Variants in PGAP4 observed in about 807,000 individuals in gnomAD.
PGAP4 encodes the protein GPI-N-acetylgalactosamine transferase PGAP4.
In PGAP4, 12 loss-of-function variants were observed where a neutral mutation model predicts 28.2. The ratio of observed to expected loss-of-function variants is 0.42; its 90% CI spans 0.27 to 0.69. The LOEUF is 0.69. Among genes scored for constraint, PGAP4 ranks in the 30% least tolerant of loss-of-function variants. The pLI is 0.22. For synonymous variants in PGAP4, 205 were observed against 211.8 expected (o/e 0.97, Z 0.28); for missense variants, 425 against 513.5 (o/e 0.83, Z 1.67).
intron 2 of PGAP4, chr9:101,501,766 ATCTG>A (rs1826803181): frequency 1.9e-6 from 1 of 518,602 alleles, no homozygotes; most frequent in African/African-American, 1.9e-5. Context: ...CCCAACTAAC[ATCTG>A]GATTGAACAA....
intron 2 of PGAP4, among the ~76,000 whole-genome samples, chr9:101,530,406 A>G (rs1827078564): frequency 6.6e-6 from 1 of 152,236 alleles, no homozygotes; most frequent in South Asian, 2.1e-4. Flanking sequence ...ATCACTTAAA[A>G]TCTGAGTCTG....
Position 101,486,466 on chromosome 9 carries a change from C to G in PGAP4, c.-78+483G>C, listed in dbSNP as rs915661403. ...CCGCGCTCTCGGCGCGCCCGGCGAA[C>G]CTAAGGTGTGGACGCGCCGCGAGGG... On this transcript the variant is annotated intron_variant, in intron 1 of 1. Transcript: ENST00000374848. The surrounding 1 kb of genome is among the most constrained non-coding windows in gnomAD (Gnocchi z 4.7). 6.6e-6 allele frequency among the ~76,000 whole-genome samples: 1 copy of G among 152,206 alleles called. No homozygotes were observed. The highest frequency in any genetic ancestry group is 2.4e-5 in the African/African-American group (1 of 41,466).
intron 2 of PGAP4, among the ~76,000 whole-genome samples, chr9:101,514,109 G>T (rs186294198): frequency 9.2e-5 from 14 of 152,004 alleles, no homozygotes; most frequent in Admixed American, 6.5e-4. Flanking sequence ...TCTTATGCCA[G>T]TCACCACTGG....
chr9:101,495,580 A>T (rs1194179195), intron 2 of PGAP4, among the ~76,000 whole-genome samples: 1 of 147,880 alleles, frequency 6.8e-6, no homozygotes, highest in Admixed American at 7.0e-5. Context: ...CAAAGATGTC[A>T]AAGGTTTAAA....
chr9:101,485,373 C>T (rs1193878062), intron 1 of PGAP4, among the ~76,000 whole-genome samples: 5 of 151,922 alleles, frequency 3.3e-5, no homozygotes, highest in Non-Finnish European at 5.9e-5. Context: ...CCCATATAAC[C>T]ATCAAAATAA....
upstream of PGAP4, chr9:101,533,668 G>A (rs940118201): frequency 7.2e-5 from 11 of 152,258 alleles, no homozygotes; most frequent in African/African-American, 2.2e-4. Flanking sequence ...AGTACTCTTA[G>A]AGGTCGTAGC....
At chr9:101,517,004 G>A (rs979349614) in intron 2 of PGAP4, among the ~76,000 whole-genome samples, 4 of 151,994 alleles carry the variant, frequency 2.6e-5, no homozygotes, top group African/African-American at 9.7e-5. Context: ...AAGACTGAAG[G>A]GCAAAATTTT....
chr9:101,497,842 A>G (rs1170609544), intron 2 of PGAP4, among the ~76,000 whole-genome samples: 1 of 151,786 alleles, frequency 6.6e-6, no homozygotes, highest in Non-Finnish European at 1.5e-5. Flanking sequence ...TGCCATGTAG[A>G]CACAACATAC....
chr9:101,516,827 CAT>C (rs1826947975), intron 2 of PGAP4, among the ~76,000 whole-genome samples: 1 of 152,136 alleles, frequency 6.6e-6, no homozygotes. Flanking sequence ...AAAAACATCA[CAT>C]GAGGTTGGTT....
intron 2 of PGAP4, among the ~76,000 whole-genome samples, chr9:101,513,169 G>A (rs1025725249): frequency 1.3e-5 from 2 of 150,342 alleles, no homozygotes; most frequent in Non-Finnish European, 1.5e-5. Flanking sequence ...TGTGTGCTGA[G>A]CAGTGGCTAA....
In PGAP4 at chr9:101,475,579, G is replaced by A. The variant is rs1826274407; in HGVS notation, c.*302C>T. 2 of 354,942 alleles carry A rather than the reference G, an allele frequency of 5.6e-6. No homozygotes were observed. The highest frequency in any genetic ancestry group is 1.0e-5 in the Non-Finnish European group (2 of 195,690). 22.0% of individuals were successfully genotyped at this position (354,942 alleles called of 1,614,324 possible). ...GTCACAAGCTCTAACACAAAGCAGA[G>A]CTTAAAAACAAATGGAGAATATAAT... On this transcript the variant is annotated 3_prime_UTR_variant, in exon 2 of 2. Transcript: ENST00000374848.
intron 2 of PGAP4, among the ~76,000 whole-genome samples, chr9:101,494,112 G>T (rs78805178): frequency 6.6e-6 from 1 of 151,988 alleles, no homozygotes; most frequent in East Asian, 1.9e-4. Context: ...AAGTTCTTGA[G>T]CCTGACAGGA....
At chr9:101,502,155 A>T (rs1826808990) in intron 2 of PGAP4, among the ~76,000 whole-genome samples, 1 of 151,996 alleles carries the variant, frequency 6.6e-6, no homozygotes, top group East Asian at 1.9e-4. Context: ...TACATTTCAA[A>T]TGGGTTTGTT....
chr9:101,508,216 T>C (rs950101378), intron 2 of PGAP4, among the ~76,000 whole-genome samples: 72 of 150,786 alleles, frequency 4.8e-4, no homozygotes, highest in African/African-American at 1.7e-3. Flanking sequence ...CCAATATGAG[T>C]TCATTGAAAG....
intron 2 of PGAP4, among the ~76,000 whole-genome samples, chr9:101,530,452 A>G (rs1827078749): frequency 6.6e-6 from 1 of 152,264 alleles, no homozygotes; most frequent in South Asian, 2.1e-4. Flanking sequence ...ATTTGCTTAA[A>G]TTATGTTTTT....
upstream of PGAP4, among the ~76,000 whole-genome samples, chr9:101,489,491 A>G (rs1048030887): frequency 6.6e-6 from 1 of 152,196 alleles, no homozygotes; most frequent in African/African-American, 2.4e-5. Flanking sequence ...CTGATGAGCA[A>G]AGTAAGGAAA....
intron 1 of PGAP4, among the ~76,000 whole-genome samples, chr9:101,531,949 T>G (rs1023313796): frequency 6.6e-6 from 1 of 152,222 alleles, no homozygotes; most frequent in Admixed American, 6.5e-5. Flanking sequence ...TAACATGATC[T>G]ATTAATAAAA....
intron 2 of PGAP4, among the ~76,000 whole-genome samples, chr9:101,503,444 T>C (rs1826820485): frequency 6.6e-6 from 1 of 152,060 alleles, no homozygotes; most frequent in South Asian, 2.1e-4. Flanking sequence ...TTTGAAGTTG[T>C]TTCATACTCA....
intron 2 of PGAP4, among the ~76,000 whole-genome samples, chr9:101,494,359 T>C (rs888757545): frequency 1.3e-5 from 2 of 151,890 alleles, no homozygotes; most frequent in Non-Finnish European, 2.9e-5. Context: ...AAAGTAAATG[T>C]TTTCATCTTT....
Sources: allele counts gnomAD v4.1 joint callset (sites outside exome capture counted in the v4.1 genomes callset), GRCh38; gene constraint gnomAD v4.1.1; non-coding constraint Gnocchi (gnomAD v3.1); transcripts MANE v1.5; gene names NCBI Gene and HGNC (gene_info 2026-07-23, HGNC 2026-07-21).